The following GIGYF2 variants were observed in gnomAD, a reference collection of about 807,000 sequenced individuals.
GIGYF2 encodes GRB10 interacting GYF protein 2.
Under a neutral mutation model 208.1 loss-of-function variants are expected in GIGYF2, and 25 were observed. That is an observed-to-expected ratio of 0.12 (90% CI 0.09 to 0.17). GIGYF2 has a LOEUF of 0.17. Ranked by LOEUF, GIGYF2 falls within the 10% of genes least tolerant of loss-of-function variation. The probability of loss-of-function intolerance (pLI) is 1.00; values close to 1 mark genes in which losing one functional copy is unlikely to be tolerated. For synonymous variants in GIGYF2, 534 were observed against 543.8 expected (o/e 0.98, Z 0.25); for missense variants, 1,302 against 1,579.4 (o/e 0.82, Z 2.98).
intron 26 of GIGYF2, among the ~76,000 whole-genome samples, chr2:232,846,562 G>A (rs1702011408): frequency 1.3e-5 from 2 of 152,156 alleles, no homozygotes; most frequent in African/African-American, 4.8e-5. Flanking sequence ...AGCAGTAAAG[G>A]AATTAAAGAG....
intron 8 of GIGYF2, among the ~76,000 whole-genome samples, chr2:232,775,342 T>G (rs187676896): frequency 6.6e-6 from 1 of 151,966 alleles, no homozygotes; most frequent in Admixed American, 6.6e-5. Context: ...ACAAAGAAAG[T>G]GAAAAAAGAG....
chr2:232,734,514 T>C (rs1697648353), intron 2 of GIGYF2: 1 of 152,326 alleles, frequency 6.6e-6, no homozygotes, highest in South Asian at 2.1e-4. Context: ...TGGTGGTTCC[T>C]GGCCTGATCC....
At position 232,836,312 on chromosome 2, in the gene GIGYF2, A is replaced by T. The variant is rs1253445417; in HGVS notation, c.2766+3219A>T. Among the ~76,000 whole-genome samples, 48 of 23,308 alleles carry T rather than the reference A, an allele frequency of 2.1e-3. 3 individuals carry two copies. Among genetic ancestry groups the T allele is most frequent in the Middle Eastern group, 0.015 (1 of 68 alleles). 15.3% of individuals were successfully genotyped at this position (23,308 alleles called of 152,430 possible). On this transcript the variant is annotated intron_variant, in intron 22 of 28. Coordinates refer to ENST00000373563, the MANE Select transcript of GIGYF2 (RefSeq NM_001103146.3). ...TATATATATATATATATATATATAT[A>T]TATATATATATATATATACATATAT... is the stretch of plus-strand genomic sequence containing the variant.
In GIGYF2 at chr2:232,735,135, G is replaced by A; in HGVS notation, c.-43-20G>A. ...ATTTAATCTCAACTAATAGTATGGA[G>A]ATATTTTTCTCGTTAACAGGTTTCT... is the stretch of plus-strand genomic sequence containing the variant. On this transcript the variant is annotated intron_variant, in intron 2 of 28. Transcript: ENST00000373563. The A allele has an allele frequency of 9.6e-7, 1 of 1,044,492 alleles. No individual in the cohort carries two copies. Among genetic ancestry groups the A allele is most frequent in the Non-Finnish European group, 1.5e-6 (1 of 666,114 alleles). 64.7% of individuals were successfully genotyped at this position (1,044,492 alleles called of 1,614,324 possible).
intron 2 of GIGYF2, among the ~76,000 whole-genome samples, chr2:232,718,003 A>AT (rs1387985543): frequency 1.3e-5 from 2 of 151,928 alleles, no homozygotes; most frequent in Admixed American, 6.6e-5. Flanking sequence ...TACAGTATAT[A>AT]TTTTTTTCTA....
At chr2:232,770,920 A>T in intron 8 of GIGYF2, 1 of 1,612,568 alleles carries the variant, frequency 6.2e-7, no homozygotes, top group Non-Finnish European at 8.5e-7. Flanking sequence ...AAAAGCCTCT[A>T]GCATGAGGCC....
At position 232,847,515 on chromosome 2, in the gene GIGYF2, C is replaced by T. The variant is rs1702053517; in HGVS notation, c.3628C>T (p.Pro1210Ser). ...ANQQRQQQQL[P>S]QQQQQQPPQQ... ...CCAGCAGCGTCAGCAGCAGCAGCTGCCACAGCAGCAGCAGCAGCAGCCGCC... is the reference window on the plus strand; with the variant it reads ...CCAGCAGCGTCAGCAGCAGCAGCTGTCACAGCAGCAGCAGCAGCAGCCGCC... Residue 1210 changes from proline to serine, a missense_variant, in exon 27 of 29, where the codon CCA becomes TCA. Coordinates refer to ENST00000373563, the MANE Select transcript of GIGYF2 (RefSeq NM_001103146.3). 1.4e-6 allele frequency: 2 copies of T among 1,385,736 alleles called. No individual in the cohort carries two copies. The highest frequency in any genetic ancestry group is 1.2e-5 in the South Asian group (1 of 85,368). 85.8% of individuals were successfully genotyped at this position (1,385,736 alleles called of 1,614,324 possible). A position where few individuals can be genotyped will look rare whatever the true frequency, so the allele number is the denominator to read the frequency against.
In GIGYF2 at chr2:232,845,798, C is replaced by T. The variant is rs1278552874; in HGVS notation, c.3372C>T (p.Leu1124=). Reference sequence around the variant, plus strand: ...AAGAAGAAGAAAAGTTGCTGAAGCTCTTTCAGGGAGTAAATAAAGCCCAAG... The same window carrying T: ...AAGAAGAAGAAAAGTTGCTGAAGCTTTTTCAGGGAGTAAATAAAGCCCAAG... ...KVEEEEKLLK[L]FQGVNKAQDG... The change falls in exon 26 of 29, where the codon CTC becomes CTT. Residue 1124 remains leucine, a synonymous_variant. Coordinates refer to ENST00000373563, the MANE Select transcript of GIGYF2 (RefSeq NM_001103146.3). The T allele has an allele frequency of 5.0e-6, 8 of 1,613,274 alleles. No individual in the cohort carries two copies. The highest frequency in any genetic ancestry group is 6.8e-6 in the Non-Finnish European group (8 of 1,179,332).
intron 5 of GIGYF2, among the ~76,000 whole-genome samples, chr2:232,754,064 C>G (rs888860447): frequency 6.6e-6 from 1 of 151,954 alleles, no homozygotes; most frequent in Admixed American, 6.6e-5. Context: ...ACTCAGGAGG[C>G]TGAGCCAGGA....
At chr2:232,847,659 G>A in intron 27 of GIGYF2, 88 bp downstream of exon 27, 2 of 1,545,634 alleles carry the variant, frequency 1.3e-6, no homozygotes, top group Non-Finnish European at 8.8e-7. Context: ...TAATACAAAG[G>A]TACCATTTTT....
intron 2 of GIGYF2, among the ~76,000 whole-genome samples, chr2:232,717,665 G>A (rs951906172): frequency 1.3e-5 from 2 of 152,136 alleles, no homozygotes; most frequent in Non-Finnish European, 2.9e-5. Context: ...TCTGCTTCTG[G>A]TGAGGGCTTC....
At chr2:232,762,908 T>C (rs1698804437) in intron 8 of GIGYF2, among the ~76,000 whole-genome samples, 1 of 151,954 alleles carries the variant, frequency 6.6e-6, no homozygotes, top group African/African-American at 2.4e-5. Context: ...TCCCAGCTAC[T>C]TGGGAGGCCA....
chr2:232,735,032 A>G (rs1209926173), intron 2 of GIGYF2, 123 bp from the exon 3 acceptor site: 7 of 621,920 alleles, frequency 1.1e-5, no homozygotes, highest in South Asian at 4.0e-5. Flanking sequence ...GAATTTCAAA[A>G]TCTCATTTTT....
rs1350603223 is a variant in GIGYF2, at chr2:232,857,064, G to A, written c.*204G>A. 3 of 620,404 alleles carry A rather than the reference G, an allele frequency of 4.8e-6. No individual in the cohort carries two copies. The highest frequency in any genetic ancestry group is 4.3e-4 in the Middle Eastern group (1 of 2,330). The allele number at this position is 620,404 out of a possible 1,614,324, so 38.4% of individuals were successfully genotyped here. A position where few individuals can be genotyped will look rare whatever the true frequency, so the allele number is the denominator to read the frequency against. On this transcript the variant is annotated 3_prime_UTR_variant, in exon 29 of 29. Coordinates refer to ENST00000373563, the MANE Select transcript of GIGYF2 (RefSeq NM_001103146.3). ...GGTGAACATCTCAGACTATAGATAA[G>A]TGGACTGGACCCTGTGTCTTGGGGG...
chr2:232,844,096 A>C lies in GIGYF2; in HGVS notation c.2940A>C (p.Gln980His). Residue 980 changes from glutamine to histidine, a missense_variant, in exon 24 of 29, where the codon CAA (glutamine) becomes CAC (histidine). Around this residue, in one of 8 missense-constraint regions of GIGYF2, gnomAD observed 701 missense variants for 793.0 expected, o/e 0.88. Coordinates refer to ENST00000373563, the MANE Select transcript of GIGYF2 (RefSeq NM_001103146.3). ...TGAAAGCTCTTCAGCAGCAGCAGCAACAGCAACAGCAGAAACTCTCAGGTT... is the reference window on the plus strand; with the variant it reads ...TGAAAGCTCTTCAGCAGCAGCAGCACCAGCAACAGCAGAAACTCTCAGGTT... ...ELMKALQQQQ[Q>H]QQQQKLSGWG... The C allele has an allele frequency of 6.2e-7, 1 of 1,602,452 alleles. No individual in the cohort carries two copies. Among genetic ancestry groups the C allele is most frequent in the African/African-American group, 1.3e-5 (1 of 74,658 alleles).
chr2:232,848,009 C>T (rs1702078672), intron 27 of GIGYF2, among the ~76,000 whole-genome samples: 1 of 152,178 alleles, frequency 6.6e-6, no homozygotes, highest in African/African-American at 2.4e-5. Flanking sequence ...TCATTATTCA[C>T]AGTAGTTACA....
intron 22 of GIGYF2, among the ~76,000 whole-genome samples, chr2:232,836,941 C>T (rs1190267344): frequency 1.3e-5 from 2 of 152,206 alleles, no homozygotes; most frequent in African/African-American, 2.4e-5. Flanking sequence ...AGACAAAAAT[C>T]TCTCAGTCAG....
At chr2:232,722,395 G>A (rs1477206396) in intron 2 of GIGYF2, among the ~76,000 whole-genome samples, 1 of 152,126 alleles carries the variant, frequency 6.6e-6, no homozygotes, top group Non-Finnish European at 1.5e-5. Flanking sequence ...CATCAGATCT[G>A]ATGAGAACAG....
chr2:232,719,911 G>GTT (rs531256020), intron 2 of GIGYF2, among the ~76,000 whole-genome samples: 3 of 148,526 alleles, frequency 2.0e-5, no homozygotes, highest in African/African-American at 7.4e-5. Flanking sequence ...TCTCTCAGCT[G>GTT]TTTTTTTTTT....
Sources: allele counts gnomAD v4.1 joint callset (sites outside exome capture counted in the v4.1 genomes callset), GRCh38; gene constraint gnomAD v4.1.1; regional missense constraint gnomAD v4.1.1; transcripts MANE v1.5; gene names NCBI Gene and HGNC (gene_info 2026-07-23, HGNC 2026-07-21).